Variants in IQGAP1 observed in about 807,000 individuals in gnomAD.
The protein encoded by IQGAP1 is ras GTPase-activating-like protein IQGAP1.
In IQGAP1, 66 loss-of-function variants were observed where a neutral mutation model predicts 215.6. The observed-to-expected ratio is 0.31, with a 90% CI of 0.25 to 0.38. IQGAP1 has a LOEUF of 0.38. Among genes scored for constraint, IQGAP1 ranks in the 10% least tolerant of loss-of-function variants. The probability of loss-of-function intolerance (pLI) is 1.00; values close to 1 mark genes in which losing one functional copy is unlikely to be tolerated. For missense variants in IQGAP1, 1,712 were observed against 1,997.1 expected (o/e 0.86, Z 2.72); for synonymous variants, 772 against 728.7 (o/e 1.06, Z -0.96).
intron 4 of IQGAP1, 88 bp from the exon 5 acceptor site, chr15:90,433,631 T>G: frequency 1.3e-6 from 1 of 786,864 alleles, no homozygotes; most frequent in Non-Finnish European, 2.1e-6. Context: ...TAACTGTCCA[T>G]AGTTTGATTT....
intron 33 of IQGAP1, among the ~76,000 whole-genome samples, chr15:90,487,900 C>T (rs1966150050): frequency 6.6e-6 from 1 of 152,146 alleles, no homozygotes; most frequent in South Asian, 2.1e-4. Flanking sequence ...TACCAAAATC[C>T]ATAGATGTTG....
intron 5 of IQGAP1, among the ~76,000 whole-genome samples, chr15:90,435,036 A>G (rs780771363): frequency 6.6e-6 from 1 of 152,206 alleles, no homozygotes; most frequent in Non-Finnish European, 1.5e-5. Flanking sequence ...TATAATACTG[A>G]TCTATAAGAA....
intron 9 of IQGAP1, 49 bp from the exon 10 acceptor site, chr15:90,448,524 C>A: frequency 6.7e-7 from 1 of 1,485,822 alleles, no homozygotes; most frequent in Admixed American, 2.4e-5. Context: ...CTATTCTAGG[C>A]TCTTCTGTTA....
chr15:90,470,338 C>T (rs1403338803), intron 18 of IQGAP1, among the ~76,000 whole-genome samples: 3 of 152,056 alleles, frequency 2.0e-5, no homozygotes, highest in Non-Finnish European at 4.4e-5. Context: ...CCTTGCAGAC[C>T]TTGTACTTTT....
intron 3 of IQGAP1, among the ~76,000 whole-genome samples, chr15:90,427,542 C>T (rs1243050706): frequency 2.0e-5 from 3 of 152,110 alleles, no homozygotes; most frequent in Non-Finnish European, 4.4e-5. Flanking sequence ...GAGTTCAAGA[C>T]AAACCCGGCC....
chr15:90,397,304 T>G (rs1416322651), intron 2 of IQGAP1, among the ~76,000 whole-genome samples: 6 of 152,174 alleles, frequency 3.9e-5, no homozygotes, highest in Admixed American at 1.3e-4. Flanking sequence ...TTGAAAATCT[T>G]GAATGTTGAG....
At chr15:90,420,003 G>A (rs1376539807) in intron 2 of IQGAP1, among the ~76,000 whole-genome samples, 1 of 152,166 alleles carries the variant, frequency 6.6e-6, no homozygotes, top group African/African-American at 2.4e-5. Context: ...TATTTTATAT[G>A]TACTATCATC....
At chr15:90,434,583 CTAAAT>C (rs1327702037) in intron 5 of IQGAP1, among the ~76,000 whole-genome samples, 3 of 152,056 alleles carry the variant, frequency 2.0e-5, no homozygotes, top group Non-Finnish European at 2.9e-5. Flanking sequence ...CCCCAGAACA[CTAAAT>C]TAAATAGGAA....
chr15:90,414,937 C>G (rs1162340159), intron 2 of IQGAP1, among the ~76,000 whole-genome samples: 4 of 152,138 alleles, frequency 2.6e-5, no homozygotes, highest in Admixed American at 1.3e-4. Flanking sequence ...GTCATCCATG[C>G]CGCAAGTCAC....
At chr15:90,481,057 G>C (rs1307462890) in intron 26 of IQGAP1, among the ~76,000 whole-genome samples, 1 of 152,136 alleles carries the variant, frequency 6.6e-6, no homozygotes, top group Admixed American at 6.5e-5. Context: ...CAATTGTGGA[G>C]GCCAGAAATT....
chr15:90,430,188 G>T (rs879499707), intron 4 of IQGAP1, among the ~76,000 whole-genome samples: 4 of 152,078 alleles, frequency 2.6e-5, no homozygotes, highest in Admixed American at 6.5e-5. Context: ...CATCTTCTGG[G>T]TGTTCTGCTC....
chr15:90,421,452 G>A (rs1398590865), intron 2 of IQGAP1, among the ~76,000 whole-genome samples: 1 of 151,090 alleles, frequency 6.6e-6, no homozygotes. Flanking sequence ...CTTCAGCCTG[G>A]GCAACAGAGC....
At chr15:90,438,553 A>G (rs909662067) in intron 5 of IQGAP1, among the ~76,000 whole-genome samples, 1 of 152,162 alleles carries the variant, frequency 6.6e-6, no homozygotes, top group Non-Finnish European at 1.5e-5. Flanking sequence ...TAAAACTGTT[A>G]AATTACCTGG....
intron 17 of IQGAP1, among the ~76,000 whole-genome samples, chr15:90,466,969 G>A (rs533506801): frequency 3.3e-5 from 5 of 152,206 alleles, no homozygotes; most frequent in African/African-American, 7.2e-5. Flanking sequence ...GCGTGTGCCT[G>A]TAATCCCAGC....
intron 2 of IQGAP1, 131 bp downstream of exon 2, chr15:90,391,004 T>G: frequency 1.6e-6 from 1 of 620,998 alleles, no homozygotes; most frequent in Non-Finnish European, 3.0e-6. Context: ...GAGGCCGAGG[T>G]GGGGGGGAAT....
chr15:90,473,798 G>A lies in IQGAP1; in HGVS notation c.2433G>A (p.Lys811=). The change falls in exon 20 of 38, where the codon AAG becomes AAA. Residue 811 remains lysine (K), a splice_region_variant and synonymous_variant. Transcript: ENST00000268182. ...YLRSHKDEVV[K]IQSLARMHQA... Reference sequence around the variant, plus strand: ...GCTCCCACAAAGATGAAGTTGTAAAGGTATGGTAGCCTGAACAGGGTTTCT... The same window carrying A: ...GCTCCCACAAAGATGAAGTTGTAAAAGTATGGTAGCCTGAACAGGGTTTCT... The A allele has an allele frequency of 6.2e-7, 1 of 1,612,726 alleles. No homozygotes were observed. The highest frequency in any genetic ancestry group is 1.1e-5 in the South Asian group (1 of 91,000).
At position 90,441,473 on chromosome 15, in the gene IQGAP1, TTTG is replaced by T. The variant is rs761949113; in HGVS notation, c.650-29_650-27del. ...CTGTAATCTATATAATCTCAGTGTT[TTTG>T]TTGGTTTGTTTTTTTGTTTTTTTTT... On this transcript the variant is annotated intron_variant, in intron 7 of 37. Coordinates refer to ENST00000268182, the MANE Select transcript of IQGAP1 (RefSeq NM_003870.4). 451 of 1,569,644 alleles carry T rather than the reference TTTG, an allele frequency of 2.9e-4. 1 individual carries two copies. Among genetic ancestry groups the T allele is most frequent in the Non-Finnish European group, 3.6e-4 (416 of 1,147,446 alleles).
At chr15:90,486,297 A>C (rs2151037039) in intron 31 of IQGAP1, 165 bp downstream of exon 31, 1 of 547,476 alleles carries the variant, frequency 1.8e-6, no homozygotes, top group Non-Finnish European at 3.3e-6. Flanking sequence ...CAACAACAAC[A>C]ACAAAAGCCC....
At chr15:90,422,787 C>T (rs1965165528) in intron 2 of IQGAP1, among the ~76,000 whole-genome samples, 1 of 151,496 alleles carries the variant, frequency 6.6e-6, no homozygotes, top group South Asian at 2.1e-4. Flanking sequence ...CCTTGACCTC[C>T]TGGGCTCAAA....
Sources: gnomAD v4.1 joint callset for allele counts (sites outside exome capture counted in the v4.1 genomes callset) on GRCh38, gnomAD v4.1.1 for gene constraint, MANE v1.5 for transcripts, NCBI Gene and HGNC (gene_info 2026-07-23, HGNC 2026-07-21) for gene names.